MAGI1: variants seen among roughly 807,000 people sequenced by gnomAD.
MAGI1 encodes the protein membrane-associated guanylate kinase, WW and PDZ domain-containing protein 1.
In MAGI1, 58 loss-of-function variants were observed where a neutral mutation model predicts 139.9. The observed-to-expected ratio is 0.41, with a 90% CI of 0.34 to 0.52. MAGI1 has a LOEUF of 0.52. Ranked by LOEUF, MAGI1 falls within the 20% of genes least tolerant of loss-of-function variation. The probability of loss-of-function intolerance (pLI) is 0.12; values close to 1 mark genes in which losing one functional copy is unlikely to be tolerated. For synonymous variants in MAGI1, 812 were observed against 737.9 expected (o/e 1.10, Z -1.63); for missense variants, 1,874 against 1,901.6 (o/e 0.99, Z 0.27).
chr3:65,406,755 G>A (rs1304083491), intron 12 of MAGI1, among the ~76,000 whole-genome samples: 1 of 151,744 alleles, frequency 6.6e-6, no homozygotes. Context: ...CTGTGTGTGT[G>A]TATATATATG....
chr3:65,608,025 A>G (rs754493069), intron 2 of MAGI1, among the ~76,000 whole-genome samples: 2 of 152,264 alleles, frequency 1.3e-5, no homozygotes, highest in African/African-American at 2.4e-5. Flanking sequence ...CATTAGCCCC[A>G]TTCCATAGAA....
chr3:65,830,716 G>T (rs1236999404), intron 1 of MAGI1, among the ~76,000 whole-genome samples: 3 of 152,146 alleles, frequency 2.0e-5, no homozygotes, highest in Non-Finnish European at 2.9e-5. Context: ...GTGTCCAAGT[G>T]ATGAAACATG....
At chr3:65,599,988 T>C (rs939568743) in intron 2 of MAGI1, among the ~76,000 whole-genome samples, 50 of 152,228 alleles carry the variant, frequency 3.3e-4, no homozygotes, top group Non-Finnish European at 2.9e-5. Context: ...CTTAAGGGAA[T>C]ACTTTATCAA....
intron 1 of MAGI1, among the ~76,000 whole-genome samples, chr3:65,699,669 T>C (rs185808469): frequency 0.16 from 22,103 of 140,598 alleles, 2,250 homozygotes; most frequent in Non-Finnish European, 0.24. Context: ...TAGGTGGGAA[T>C]TGAACAATGA....
intron 1 of MAGI1, among the ~76,000 whole-genome samples, chr3:66,001,908 T>C (rs1275050272): frequency 1.3e-5 from 2 of 152,188 alleles, no homozygotes; most frequent in Non-Finnish European, 2.9e-5. Flanking sequence ...AGTGATCCTA[T>C]ATGATCACTA....
chr3:65,957,257 A>G (rs1489677659), intron 1 of MAGI1, among the ~76,000 whole-genome samples: 1 of 151,306 alleles, frequency 6.6e-6, no homozygotes, highest in Non-Finnish European at 1.5e-5. Context: ...GCTCACATCT[A>G]TAATACAGTA....
intron 1 of MAGI1, among the ~76,000 whole-genome samples, chr3:65,726,704 G>C (rs2033646332): frequency 6.6e-6 from 1 of 152,042 alleles, no homozygotes; most frequent in Non-Finnish European, 1.5e-5. Context: ...CTTCACCAGG[G>C]TTCCTAGAAA....
intron 2 of MAGI1, among the ~76,000 whole-genome samples, chr3:65,553,168 A>G (rs540029520): frequency 6.6e-6 from 1 of 152,234 alleles, no homozygotes; most frequent in South Asian, 2.1e-4. Flanking sequence ...GAGCCCCTGA[A>G]GATGGATGGA....
chr3:65,779,985 G>A (rs192306619), intron 1 of MAGI1, among the ~76,000 whole-genome samples: 4 of 149,270 alleles, frequency 2.7e-5, no homozygotes, highest in Non-Finnish European at 6.0e-5. Context: ...TTGAAAAGGG[G>A]GTGGTCCTGA....
intron 10 of MAGI1, among the ~76,000 whole-genome samples, chr3:65,436,141 TG>T (rs1947831686): frequency 6.6e-6 from 1 of 152,142 alleles, no homozygotes; most frequent in South Asian, 2.1e-4. Flanking sequence ...TCTAATCTAG[TG>T]ACAATGTCAG....
chr3:65,485,127 G>C (rs1951547872), intron 3 of MAGI1, among the ~76,000 whole-genome samples: 1 of 152,178 alleles, frequency 6.6e-6, no homozygotes, highest in African/African-American at 2.4e-5. Flanking sequence ...TTAATAGCAT[G>C]ACTCACAACA....
At chr3:65,819,875 C>CAAATAAAAAAAAAAAAAAA in intron 1 of MAGI1, among the ~76,000 whole-genome samples, 1 of 33,454 alleles carries the variant, frequency 3.0e-5, no homozygotes, top group Non-Finnish European at 6.4e-5. Flanking sequence ...GACTCCATCT[C>CAAATAAAAAAAAAAAAAAA]AAAAAAAAAA....
At position 65,803,211 on chromosome 3, in the gene MAGI1, ATAGTAT is replaced by A. The variant is rs1326559121; in HGVS notation, c.314-181129_314-181124del. 4.6e-5 allele frequency among the ~76,000 whole-genome samples: 7 copies of A among 152,200 alleles called. No individual in the cohort carries two copies. In the East Asian group the frequency reaches 1.3e-3, roughly 29 times the overall value. Reference sequence around the variant, plus strand: ...TCCAGTAAAGTGATGTCAATTAAAAATAGTATTAGGAATCCTGCGATATTATAACAG... The same window carrying A: ...TCCAGTAAAGTGATGTCAATTAAAAATAGGAATCCTGCGATATTATAACAG... On this transcript the variant is annotated intron_variant, in intron 1 of 22. Coordinates refer to ENST00000402939, the MANE Select transcript of MAGI1 (RefSeq NM_001033057.2).
intron 2 of MAGI1, among the ~76,000 whole-genome samples, chr3:65,540,421 C>T (rs754700738): frequency 1.3e-5 from 2 of 152,202 alleles, no homozygotes; most frequent in East Asian, 3.9e-4. Context: ...GTTGAATTCA[C>T]TACTATATTC....
At chr3:65,489,968 G>C (rs536146202) in intron 3 of MAGI1, among the ~76,000 whole-genome samples, 2 of 152,212 alleles carry the variant, frequency 1.3e-5, no homozygotes, top group South Asian at 4.1e-4. Context: ...TTTCCTCTCT[G>C]GAACCAGCAG....
At chr3:65,533,687 G>C (rs1384392866) in intron 2 of MAGI1, among the ~76,000 whole-genome samples, 1 of 152,104 alleles carries the variant, frequency 6.6e-6, no homozygotes, top group Non-Finnish European at 1.5e-5. Flanking sequence ...GCTATATACA[G>C]AGTTCTTTTA....
intron 2 of MAGI1, among the ~76,000 whole-genome samples, chr3:65,540,448 T>G (rs1007336224): frequency 5.9e-5 from 9 of 152,154 alleles, no homozygotes; most frequent in African/African-American, 1.9e-4. Flanking sequence ...CCTAAAAAAG[T>G]GCCTGGCAAA....
At chr3:65,465,083 T>A (rs905664256) in intron 5 of MAGI1, among the ~76,000 whole-genome samples, 1 of 150,376 alleles carries the variant, frequency 6.6e-6, no homozygotes, top group Non-Finnish European at 1.5e-5. Context: ...ATAAACCTTA[T>A]CTCCATTGAT....
At chr3:65,504,694 A>T (rs1022291559) in intron 2 of MAGI1, among the ~76,000 whole-genome samples, 1 of 152,196 alleles carries the variant, frequency 6.6e-6, no homozygotes, top group Non-Finnish European at 1.5e-5. Context: ...CTGGGAGAAG[A>T]AAGCTGGTAA....
Sources: allele counts gnomAD v4.1 joint callset (sites outside exome capture counted in the v4.1 genomes callset), GRCh38; gene constraint gnomAD v4.1.1; transcripts MANE v1.5; gene names NCBI Gene and HGNC (gene_info 2026-07-23, HGNC 2026-07-21).